The following ACOXL variants were observed in gnomAD, a reference collection of about 807,000 sequenced individuals.
ACOXL encodes the protein acyl-coenzyme A oxidase-like protein.
A neutral mutation model predicts 71.9 loss-of-function variants in ACOXL; 70 were observed. The observed-to-expected ratio is 0.97, with a 90% CI of 0.80 to 1.19. The LOEUF is 1.19. ACOXL is among the 50% of genes most tolerant of loss of function. ACOXL has a pLI of 0.00. For missense variants in ACOXL, 703 were observed against 736.3 expected (o/e 0.95, Z 0.52); for synonymous variants, 253 against 281.6 (o/e 0.90, Z 1.02).
chr2:111,060,520 G>A (rs948591518), intron 16 of ACOXL, among the ~76,000 whole-genome samples: 1 of 152,148 alleles, frequency 6.6e-6, no homozygotes, highest in Non-Finnish European at 1.5e-5. Context: ...CCCTGATGGT[G>A]CAGCATCACA....
At chr2:111,091,996 T>C (rs2068550960) in intron 16 of ACOXL, among the ~76,000 whole-genome samples, 3 of 152,316 alleles carry the variant, frequency 2.0e-5, no homozygotes, top group East Asian at 3.9e-4. Flanking sequence ...TGACTCAGAA[T>C]AAGAGGGTTT....
intron 4 of ACOXL, 69 bp from the exon 5 acceptor site, chr2:110,794,007 T>G (rs1684981409): frequency 6.7e-7 from 1 of 1,488,794 alleles, no homozygotes; most frequent in Admixed American, 1.7e-5. Flanking sequence ...TTCTTAATGG[T>G]CCGAGGGGTC....
At chr2:111,056,999 A>G (rs2066573210) in intron 16 of ACOXL, among the ~76,000 whole-genome samples, 1 of 152,112 alleles carries the variant, frequency 6.6e-6, no homozygotes, top group Non-Finnish European at 1.5e-5. Context: ...GCTCCTTGAC[A>G]AATAGGTGAG....
At chr2:111,031,746 G>T (rs775061136) in intron 15 of ACOXL, 32 bp downstream of exon 15, 1 of 1,605,372 alleles carries the variant, frequency 6.2e-7, no homozygotes, top group Non-Finnish European at 8.5e-7. Context: ...ATTTGTAATT[G>T]AGTGACTCAG....
chr2:110,816,071 A>G (rs1225138894), intron 9 of ACOXL, among the ~76,000 whole-genome samples: 1 of 151,906 alleles, frequency 6.6e-6, no homozygotes, highest in Non-Finnish European at 1.5e-5. Flanking sequence ...GTAGATGAAT[A>G]GATGGATGAA....
chr2:110,793,277 CG>C (rs552111340), intron 3 of ACOXL, among the ~76,000 whole-genome samples: 22 of 152,270 alleles, frequency 1.4e-4, no homozygotes, highest in Admixed American at 4.6e-4. Context: ...CCTCCACAGA[CG>C]GGTCAGCATC....
chr2:110,881,631 C>T (rs1696658150), intron 10 of ACOXL, among the ~76,000 whole-genome samples: 1 of 152,178 alleles, frequency 6.6e-6, no homozygotes, highest in Admixed American at 6.5e-5. Flanking sequence ...CTCTCCCGTC[C>T]TCTCGCTTTT....
At chr2:110,984,919 G>A (rs1176391991) in intron 12 of ACOXL, among the ~76,000 whole-genome samples, 1 of 152,136 alleles carries the variant, frequency 6.6e-6, no homozygotes. Context: ...CCAGGCTGCC[G>A]GAAGACAGCA....
intron 10 of ACOXL, among the ~76,000 whole-genome samples, chr2:110,894,349 C>T (rs1404567743): frequency 1.0e-4 from 15 of 150,086 alleles, no homozygotes; most frequent in Non-Finnish European, 1.9e-4. Flanking sequence ...AAAAAAAAGC[C>T]CAAATGAGCC....
chr2:110,874,191 G>A (rs935302730), intron 10 of ACOXL, among the ~76,000 whole-genome samples: 5 of 152,220 alleles, frequency 3.3e-5, no homozygotes, highest in South Asian at 2.1e-4. Context: ...AGGGGACAAC[G>A]GAACCGAACA....
At chr2:110,980,194 G>A (rs1010446431) in intron 12 of ACOXL, among the ~76,000 whole-genome samples, 1 of 152,218 alleles carries the variant, frequency 6.6e-6, no homozygotes, top group African/African-American at 2.4e-5. Context: ...CTGTACCTTG[G>A]AGGACTCTTA....
Position 110,856,002 on chromosome 2 carries a change from A to G in ACOXL, c.788+14597A>G, listed in dbSNP as rs184182483. On this transcript the variant is annotated intron_variant, in intron 10 of 17. Transcript: ENST00000439055. ...GTCCTATCAGAATGCCCTTTTTTCA[A>G]TCCTCCCTGTGATTGGCTACTTTTA... Among the ~76,000 whole-genome samples, 721 of 152,052 alleles carry G rather than the reference A, an allele frequency of 4.7e-3. 3 individuals are homozygous for G. The highest frequency in any genetic ancestry group is 0.017 in the African/African-American group (698 of 41,464).
At chr2:111,080,060 G>A (rs529063905) in intron 16 of ACOXL, among the ~76,000 whole-genome samples, 68 of 152,304 alleles carry the variant, frequency 4.5e-4, no homozygotes, top group African/African-American at 1.6e-3. Context: ...TGTGGGATCA[G>A]TGGGGATATC....
chr2:111,063,235 C>T (rs1201268156), intron 16 of ACOXL, among the ~76,000 whole-genome samples: 2 of 152,034 alleles, frequency 1.3e-5, no homozygotes. Context: ...CAATATTTTC[C>T]ATAATGTAGA....
intron 16 of ACOXL, among the ~76,000 whole-genome samples, chr2:111,079,848 T>G (rs903113527): frequency 2.8e-5 from 4 of 141,022 alleles, no homozygotes; most frequent in Admixed American, 7.2e-5. Flanking sequence ...TTCTGAAAAG[T>G]GGAGGTACTA....
At chr2:111,001,670 C>A (rs1044430691) in intron 14 of ACOXL, among the ~76,000 whole-genome samples, 1 of 152,164 alleles carries the variant, frequency 6.6e-6, no homozygotes, top group Non-Finnish European at 1.5e-5. Context: ...GTTATCCTGT[C>A]CCGTCCCACC....
chr2:110,923,052 A>G (rs1054791567), intron 11 of ACOXL, among the ~76,000 whole-genome samples: 2 of 152,084 alleles, frequency 1.3e-5, no homozygotes, highest in East Asian at 3.8e-4. Context: ...ACATCACAGT[A>G]GGGGGTTGAC....
At chr2:110,981,389 C>T (rs1038830916) in intron 12 of ACOXL, among the ~76,000 whole-genome samples, 1 of 152,182 alleles carries the variant, frequency 6.6e-6, no homozygotes, top group African/African-American at 2.4e-5. Context: ...AATCCCAGCC[C>T]CACCGCTTCC....
At chr2:110,753,494 C>T (rs1679275072) in intron 1 of ACOXL, among the ~76,000 whole-genome samples, 1 of 152,134 alleles carries the variant, frequency 6.6e-6, no homozygotes, top group Middle Eastern at 3.2e-3. Flanking sequence ...AGCAAGTGAC[C>T]CACAAGAGCA....
Sources: gnomAD v4.1 joint callset for allele counts (sites outside exome capture counted in the v4.1 genomes callset) on GRCh38, gnomAD v4.1.1 for gene constraint, MANE v1.5 for transcripts, NCBI Gene and HGNC (gene_info 2026-07-23, HGNC 2026-07-21) for gene names.